Variants in RTL4 observed in about 807,000 individuals in gnomAD.
RTL4 encodes the protein retrotransposon Gag like 4.
In RTL4, 4 loss-of-function variants were observed where a neutral mutation model predicts 5.3. The observed-to-expected ratio is 0.75, with a 90% CI of 0.37 to 1.72. RTL4 has a LOEUF of 1.72. RTL4 is among the 40% of genes most tolerant of loss of function. The probability of loss-of-function intolerance (pLI) is 0.04; values close to 1 mark genes in which losing one functional copy is unlikely to be tolerated. For synonymous variants in RTL4, 98 were observed against 87.3 expected, an observed-to-expected ratio of 1.12 and a Z score of -0.68; for missense variants, 260 against 227.1, an observed-to-expected ratio of 1.14 and a Z score of -0.93.
At chrX:112,187,356 C>T in the RTL4 span, among the ~76,000 whole-genome samples, 1 of 111,786 alleles carries the variant, frequency 8.9e-6, no homozygotes, top group Non-Finnish European at 1.9e-5. Context: ...GACATGAAAG[C>T]AAGAAGATCT....
chrX:112,428,915 A>G, the RTL4 span, among the ~76,000 whole-genome samples: 9 of 111,318 alleles, frequency 8.1e-5, no homozygotes, highest in African/African-American at 2.9e-4. Context: ...CTTTACCCCT[A>G]ATAACTTTCC....
At chrX:112,212,308 C>T in the RTL4 span, among the ~76,000 whole-genome samples, 3 of 111,316 alleles carry the variant, frequency 2.7e-5, no homozygotes, top group Non-Finnish European at 3.8e-5. Context: ...ACCCAGGAGG[C>T]GGAGCTTGCA....
At chrX:112,272,696 A>G in the RTL4 span, among the ~76,000 whole-genome samples, 1 of 110,847 alleles carries the variant, frequency 9.0e-6, no homozygotes, top group African/African-American at 3.4e-5. Flanking sequence ...TAAAGACTCA[A>G]TTTTAAGTTG....
chrX:112,408,643 C>A, the RTL4 span, among the ~76,000 whole-genome samples: 1 of 110,954 alleles, frequency 9.0e-6, no homozygotes, highest in Non-Finnish European at 1.9e-5. Flanking sequence ...AGAAATATAT[C>A]AATATGCAAG....
the RTL4 span, among the ~76,000 whole-genome samples, chrX:112,254,665 CA>C: frequency 3.0e-5 from 3 of 99,724 alleles, no homozygotes; most frequent in African/African-American, 4.0e-5. Flanking sequence ...ATTTTATGAA[CA>C]GGGGCGGGGG....
chrX:112,169,570 G>A, the RTL4 span, among the ~76,000 whole-genome samples: 3 of 111,671 alleles, frequency 2.7e-5, no homozygotes, highest in African/African-American at 9.8e-5. Context: ...GAGTTAATAA[G>A]GGACCTTGGG....
At chrX:112,303,752 TATA>T in the RTL4 span, among the ~76,000 whole-genome samples, 1 of 101,268 alleles carries the variant, frequency 9.9e-6, no homozygotes, top group Non-Finnish European at 2.0e-5. Context: ...AAACTTAAAG[TATA>T]ATAATAATAA....
At chrX:112,367,445 G>GCATTAA in the RTL4 span, among the ~76,000 whole-genome samples, 16 of 111,638 alleles carry the variant, frequency 1.4e-4, no homozygotes, top group Non-Finnish European at 2.8e-4. Context: ...GCTTAATGAT[G>GCATTAA]GCATTAAGTC....
the RTL4 span, among the ~76,000 whole-genome samples, chrX:112,142,314 A>G: frequency 1.8e-5 from 2 of 112,486 alleles, no homozygotes; most frequent in Non-Finnish European, 3.8e-5. Context: ...TCCTGTCCTC[A>G]GTGTGTCTGT....
chrX:112,289,396 T>C, the RTL4 span, among the ~76,000 whole-genome samples: 1 of 112,580 alleles, frequency 8.9e-6, no homozygotes, highest in Non-Finnish European at 1.9e-5. Context: ...CAATAGATTT[T>C]GTCCTTGGAA....
At chrX:112,429,521 A>C in the RTL4 span, among the ~76,000 whole-genome samples, 1 of 110,988 alleles carries the variant, frequency 9.0e-6, no homozygotes, top group Admixed American at 9.6e-5. Flanking sequence ...ACTTATACCT[A>C]GGCATACATA....
At chrX:112,383,769 A>G in the RTL4 span, among the ~76,000 whole-genome samples, 1 of 111,652 alleles carries the variant, frequency 9.0e-6, no homozygotes, top group Admixed American at 9.5e-5. Context: ...ACATGTTCTC[A>G]CTTACAAGTA....
At chrX:112,334,702 G>A in the RTL4 span, among the ~76,000 whole-genome samples, 19 of 111,731 alleles carry the variant, frequency 1.7e-4, no homozygotes, top group Non-Finnish European at 3.2e-4. Flanking sequence ...TACTGATAAA[G>A]CAGGATTTAC....
At chrX:112,456,974 G>A (rs1926856190) in exon 1 of RTL4, 1 of 123,235 alleles carries the variant, frequency 8.1e-6, no homozygotes, top group Admixed American at 9.5e-5. Flanking sequence ...TCCCTAAAAT[G>A]TTAAAACTGT....
At chrX:112,415,680 C>T in the RTL4 span, among the ~76,000 whole-genome samples, 3 of 110,867 alleles carry the variant, frequency 2.7e-5, no homozygotes, top group Non-Finnish European at 5.7e-5. Flanking sequence ...AAAAAAAACT[C>T]CACTCTTATG....
At chrX:112,267,207 A>C in the RTL4 span, among the ~76,000 whole-genome samples, 1 of 111,610 alleles carries the variant, frequency 9.0e-6, no homozygotes, top group East Asian at 2.8e-4. Flanking sequence ...TACTGTCCCC[A>C]ATTTTCTTTG....
At chrX:112,223,036 T>G in the RTL4 span, among the ~76,000 whole-genome samples, 1 of 112,641 alleles carries the variant, frequency 8.9e-6, no homozygotes, top group Admixed American at 9.4e-5. Flanking sequence ...ACTTTTCCTT[T>G]GGCTGACATT....
chrX:112,405,220 C>A, the RTL4 span, among the ~76,000 whole-genome samples: 11 of 111,895 alleles, frequency 9.8e-5, no homozygotes, highest in African/African-American at 3.6e-4. Context: ...CACAATACTA[C>A]TACAATTTGA....
chrX:112,403,092 C>T, the RTL4 span, among the ~76,000 whole-genome samples: 1 of 111,699 alleles, frequency 9.0e-6, no homozygotes, highest in Admixed American at 9.5e-5. Flanking sequence ...ATGGAAACAA[C>T]ACAGCTTCTT....
Sources: gnomAD v4.1 joint callset for allele counts (sites outside exome capture counted in the v4.1 genomes callset) on GRCh38, gnomAD v4.1.1 for gene constraint, MANE v1.5 for transcripts, NCBI Gene and HGNC (gene_info 2026-07-23, HGNC 2026-07-21) for gene names.